Variants in XKR6 observed in about 807,000 individuals in gnomAD.
XKR6 encodes XK related 6, also known as XK-related protein 6.
In XKR6, 22 loss-of-function variants were observed where a neutral mutation model predicts 56.7. The observed-to-expected ratio is 0.39, with a 90% confidence interval of 0.28 to 0.55. The LOEUF (loss-of-function observed/expected upper bound fraction) is 0.55, where lower values mean the gene tolerates loss of function less well. Ranked by LOEUF, XKR6 falls within the 20% of genes least tolerant of loss-of-function variation. The probability of loss-of-function intolerance (pLI) is 0.66; values close to 1 mark genes in which losing one functional copy is unlikely to be tolerated. For synonymous variants in XKR6, 524 were observed against 387.8 expected, an observed-to-expected ratio of 1.35 and a Z score of -4.13; for missense variants, 852 against 889.0, an observed-to-expected ratio of 0.96 and a Z score of 0.53.
chr8:10,951,153 G>C (rs574950450), intron 1 of XKR6, among the ~76,000 whole-genome samples: 2 of 152,358 alleles, frequency 1.3e-5, no homozygotes, highest in South Asian at 4.2e-4. Context: ...GGAGGCCACA[G>C]CACCCCAGGT....
intron 1 of XKR6, among the ~76,000 whole-genome samples, chr8:10,999,757 C>G (rs1798197268): frequency 6.6e-6 from 1 of 152,162 alleles, no homozygotes; most frequent in Non-Finnish European, 1.5e-5. Flanking sequence ...AGGAAATGAG[C>G]CTTATTCTGT....
At chr8:11,190,338 T>A (rs1044663837) in intron 1 of XKR6, among the ~76,000 whole-genome samples, 9 of 152,058 alleles carry the variant, frequency 5.9e-5, no homozygotes, top group African/African-American at 2.2e-4. Flanking sequence ...ACAACTGCTG[T>A]TCTCAATGTT....
At chr8:11,129,163 T>A (rs560920852) in intron 1 of XKR6, 8 of 358,724 alleles carry the variant, frequency 2.2e-5, no homozygotes, top group African/African-American at 1.7e-4. Flanking sequence ...TGAAAACATT[T>A]TGCAACTAGA....
intron 1 of XKR6, among the ~76,000 whole-genome samples, chr8:11,193,618 A>G (rs1429516968): frequency 1.3e-5 from 2 of 152,148 alleles, no homozygotes; most frequent in Non-Finnish European, 2.9e-5. Context: ...TTATTTCCTA[A>G]AAGAGCTCAA....
At chr8:10,945,938 G>A (rs757283085) in intron 1 of XKR6, among the ~76,000 whole-genome samples, 4 of 152,048 alleles carry the variant, frequency 2.6e-5, no homozygotes, top group Admixed American at 6.5e-5. Flanking sequence ...TCCCCAGCCC[G>A]GAGTGAATAT....
intron 1 of XKR6, among the ~76,000 whole-genome samples, chr8:10,988,387 G>A (rs12546949): frequency 0.053 from 8,103 of 152,212 alleles, 720 homozygotes; most frequent in African/African-American, 0.18. Flanking sequence ...ATTTTGTTTC[G>A]TATATCCTGG....
chr8:10,906,593 C>G (rs558145389), intron 2 of XKR6, among the ~76,000 whole-genome samples: 4 of 152,220 alleles, frequency 2.6e-5, no homozygotes, highest in Admixed American at 6.5e-5. Context: ...TCAGGTCTAA[C>G]AGGTTGCTTT....
intron 1 of XKR6, among the ~76,000 whole-genome samples, chr8:11,019,342 G>C (rs923115388): frequency 6.6e-6 from 1 of 152,188 alleles, no homozygotes; most frequent in African/African-American, 2.4e-5. Flanking sequence ...ATTCACCCAG[G>C]GAAGCCTCCA....
chr8:11,057,121 A>G (rs1227640658), intron 1 of XKR6, among the ~76,000 whole-genome samples: 1 of 152,198 alleles, frequency 6.6e-6, no homozygotes, highest in African/African-American at 2.4e-5. Context: ...ATCGAAGCAC[A>G]AAACATTTTC....
rs575431656 is a variant in XKR6 at position 11,063,993 on chromosome 8, G to A, written c.764+136583C>T. Among the ~76,000 whole-genome samples the A allele has an allele frequency of 1.4e-4, 22 of 152,200 alleles. No individual in the cohort carries two copies. In the East Asian group the frequency reaches 4.0e-3, roughly 28 times the overall value. ...AAAAGCTTACTGAGTGCCTTGTTCC[G>A]CCTCTATTTCATACAACCTTCCGAA... On this transcript the variant is annotated intron_variant, in intron 1 of 2. Coordinates refer to ENST00000416569, the MANE Select transcript of XKR6 (RefSeq NM_173683.4).
At chr8:10,985,457 A>G (rs1000491890) in intron 1 of XKR6, among the ~76,000 whole-genome samples, 2 of 152,192 alleles carry the variant, frequency 1.3e-5, no homozygotes, top group Non-Finnish European at 2.9e-5. Flanking sequence ...TGATAGAATA[A>G]CAATTTAAAT....
At chr8:10,999,376 G>T (rs10086171) in intron 1 of XKR6, among the ~76,000 whole-genome samples, 6,653 of 152,290 alleles carry the variant, frequency 0.044, 485 homozygotes, top group African/African-American at 0.15. Context: ...GATACAAATT[G>T]TATTTAGAAT....
chr8:11,105,761 C>T (rs954117053), intron 1 of XKR6: 5 of 152,158 alleles, frequency 3.3e-5, no homozygotes, highest in Non-Finnish European at 7.3e-5. Flanking sequence ...TCCAGCCACC[C>T]CAACCTCAAG....
At chr8:10,956,967 T>A (rs1044826307) in intron 1 of XKR6, among the ~76,000 whole-genome samples, 1 of 152,188 alleles carries the variant, frequency 6.6e-6, no homozygotes, top group Non-Finnish European at 1.5e-5. Context: ...TTTCTTTTTT[T>A]TGAGATGGAG....
At position 11,056,505 on chromosome 8, in the gene XKR6, G is replaced by C. The variant is rs562997277; in HGVS notation, c.765-131675C>G. Among the ~76,000 whole-genome samples, 534 of 152,224 alleles carry C rather than the reference G, an allele frequency of 3.5e-3. 5 individuals carry two copies. Among genetic ancestry groups the C allele is most frequent in the Non-Finnish European group, 4.7e-3 (322 of 68,008 alleles). On this transcript the variant is annotated intron_variant, in intron 1 of 2. Coordinates refer to ENST00000416569, the MANE Select transcript of XKR6 (RefSeq NM_173683.4). ...GCACATGGCAGGCTCTTGGCACTTG[G>C]TTTGGAGATGTTCATCTACCCCAAA...
At chr8:11,195,576 G>C (rs1008994076) in intron 1 of XKR6, among the ~76,000 whole-genome samples, 3 of 151,366 alleles carry the variant, frequency 2.0e-5, no homozygotes, top group Non-Finnish European at 4.4e-5. Flanking sequence ...AGTTTTTTTT[G>C]ACTACTCAAA....
chr8:10,968,901 T>C (rs1157951879), intron 1 of XKR6, among the ~76,000 whole-genome samples: 2 of 152,242 alleles, frequency 1.3e-5, no homozygotes, highest in East Asian at 1.9e-4. Flanking sequence ...GTCTGCCCTC[T>C]CAGTAACAGG....
At chr8:11,084,413 G>A (rs1797817559) in intron 1 of XKR6, among the ~76,000 whole-genome samples, 1 of 152,032 alleles carries the variant, frequency 6.6e-6, no homozygotes, top group Non-Finnish European at 1.5e-5. Flanking sequence ...ATTCAGATAT[G>A]ATTTATACCG....
Position 10,898,898 on chromosome 8 carries a change from G to A in XKR6, c.980C>T (p.Ser327Phe). ...ETLPCVSSVT[S>F]LMSLAWVLAS... ...TAGCACCCAAGCCAGGGACATCAGG[G>A]AAGTCACAGAGGAGACACCTGCCGG... Residue 327 changes from serine (S) to phenylalanine (F), a missense_variant, in exon 3 of 3, where the codon TCC (serine) becomes TTC (phenylalanine). Physicochemically the swap from Ser to Phe is radical, Grantham distance 155 (BLOSUM62 -2). Coordinates refer to ENST00000416569, the MANE Select transcript of XKR6 (RefSeq NM_173683.4). This position sits in a 1 kb window ranked among gnomAD's most constrained non-coding sequence, Gnocchi z 6.6. 6.2e-7 allele frequency: 1 copy of A among 1,609,044 alleles called. No individual in the cohort carries two copies. The highest frequency in any genetic ancestry group is 8.5e-7 in the Non-Finnish European group (1 of 1,177,338).
Sources: gnomAD v4.1 joint callset for allele counts (sites outside exome capture counted in the v4.1 genomes callset) on GRCh38, gnomAD v4.1.1 for gene constraint, Gnocchi (gnomAD v3.1) non-coding constraint, MANE v1.5 for transcripts, NCBI Gene and HGNC (gene_info 2026-07-23, HGNC 2026-07-21) for gene names.